MAPK14: variants seen among roughly 807,000 people sequenced by gnomAD.
MAPK14 encodes CSAID-binding protein.
MAPK14 carries 16 observed loss-of-function variants against 49.6 expected under a neutral mutation model. The ratio of observed to expected loss-of-function variants is 0.32; its 90% confidence interval spans 0.22 to 0.49. MAPK14 has a LOEUF of 0.49. MAPK14 is among the 20% of genes least tolerant of loss of function. The probability of loss-of-function intolerance (pLI) is 0.99; values close to 1 mark genes in which losing one functional copy is unlikely to be tolerated. For missense variants in MAPK14, 200 were observed against 441.2 expected (o/e 0.45, Z 4.90); for synonymous variants, 142 against 158.0 (o/e 0.90, Z 0.76).
chr6:36,115,708 A>T (rs926238233), downstream of MAPK14, among the ~76,000 whole-genome samples: 2 of 152,042 alleles, frequency 1.3e-5, no homozygotes, highest in African/African-American at 4.8e-5. Flanking sequence ...CAAGTGGATC[A>T]CTCGCCATCC....
chr6:36,080,045 G>A (rs569295460), intron 8 of MAPK14, among the ~76,000 whole-genome samples: 147 of 152,076 alleles, frequency 9.7e-4, no homozygotes, highest in African/African-American at 3.2e-3. Flanking sequence ...CCGGGCTCAA[G>A]CGATTCTCCT....
chr6:36,052,952 G>C (rs1165820246), intron 2 of MAPK14, 124 bp downstream of exon 2: 7 of 614,604 alleles, frequency 1.1e-5, no homozygotes, highest in Non-Finnish European at 7.7e-6. Flanking sequence ...CCTTGTCCTG[G>C]GGTGTTAGTG....
At chr6:36,067,936 C>T (rs1764124431) in intron 3 of MAPK14, among the ~76,000 whole-genome samples, 1 of 151,808 alleles carries the variant, frequency 6.6e-6, no homozygotes, top group Non-Finnish European at 1.5e-5. Context: ...GAACATTGTA[C>T]AAGCAGATAA....
intron 8 of MAPK14, among the ~76,000 whole-genome samples, chr6:36,080,017 C>T (rs766201082): frequency 1.3e-5 from 2 of 151,826 alleles, no homozygotes; most frequent in Non-Finnish European, 2.9e-5. Context: ...GATCTTGGCT[C>T]ACTACAACCT....
rs774369286 is a variant in MAPK14 at position 36,075,883 on chromosome 6, T to C, written c.531T>C (p.Asp177=). Residue 177 remains aspartate (D), a synonymous_variant, in exon 7 of 12, where the codon GAT becomes GAC. Transcript: ENST00000229794. ...LDFGLARHTD[D]EMTGYVATRW... ...TTGGACTGGCTCGGCACACAGATGATGAAATGACAGGCTACGTGGCCACTA... is the reference window on the plus strand; with the variant it reads ...TTGGACTGGCTCGGCACACAGATGACGAAATGACAGGCTACGTGGCCACTA... 6.2e-7 allele frequency: 1 copy of C among 1,614,100 alleles called. No homozygotes were observed. Among genetic ancestry groups the C allele is most frequent in the South Asian group, 1.1e-5 (1 of 91,080 alleles).
intron 1 of MAPK14, among the ~76,000 whole-genome samples, chr6:36,037,734 C>T (rs777615016): frequency 1.3e-5 from 2 of 152,024 alleles, no homozygotes; most frequent in Non-Finnish European, 2.9e-5. Context: ...ACCTGTAATT[C>T]CTGCACTTTG....
chr6:36,121,588 A>G, the MAPK14 span, among the ~76,000 whole-genome samples: 1,309 of 152,318 alleles, frequency 8.6e-3, 17 homozygotes, highest in African/African-American at 0.03. Context: ...TCCCCTCCAC[A>G]GCCCCTTACT....
chr6:36,063,429 A>C (rs1763908628), intron 3 of MAPK14, among the ~76,000 whole-genome samples: 1 of 152,136 alleles, frequency 6.6e-6, no homozygotes, highest in Non-Finnish European at 1.5e-5. Flanking sequence ...CTCTACAAAA[A>C]AATTTAAAAA....
At chr6:36,086,625 C>T (rs937323642) in intron 8 of MAPK14, among the ~76,000 whole-genome samples, 4 of 152,058 alleles carry the variant, frequency 2.6e-5, no homozygotes, top group Non-Finnish European at 5.9e-5. Flanking sequence ...CTACCAATAA[C>T]AAGTTCTCAA....
chr6:36,092,428 C>T (rs878955506), intron 8 of MAPK14: 53 of 666,532 alleles, frequency 8.0e-5, no homozygotes, highest in South Asian at 2.9e-4. Flanking sequence ...ACGATACACT[C>T]GTAGTGAAGC....
At chr6:36,031,160 G>T (rs1762527778) in intron 1 of MAPK14, among the ~76,000 whole-genome samples, 1 of 151,174 alleles carries the variant, frequency 6.6e-6, no homozygotes, top group Non-Finnish European at 1.5e-5. Flanking sequence ...GACTACAGGT[G>T]CCCGCCACCA....
intron 3 of MAPK14, among the ~76,000 whole-genome samples, chr6:36,061,376 C>T (rs910783707): frequency 2.6e-5 from 4 of 152,190 alleles, no homozygotes; most frequent in African/African-American, 9.7e-5. Flanking sequence ...TTAAGTGTTA[C>T]TGATAGTGGT....
rs922394339 is a variant in MAPK14 at position 36,110,983 on chromosome 6, G to A, written c.*2536G>A. 6.6e-6 allele frequency: 1 copy of A among 152,126 alleles called. No individual in the cohort carries two copies. The highest frequency in any genetic ancestry group is 1.5e-5 in the Non-Finnish European group (1 of 68,012). 9.4% of individuals were successfully genotyped at this position (152,126 alleles called of 1,614,324 possible). A position where few individuals can be genotyped will look rare whatever the true frequency, so the allele number is the denominator to read the frequency against. ...TGGGTAAAGCAAAGAGCAAATGAAC[G>A]AAGTATTAAGCATTGGGGCCTGTCT... On this transcript the variant is annotated 3_prime_UTR_variant, in exon 12 of 12. Transcript: ENST00000229794.
chr6:36,032,521 C>G (rs1762582920), intron 1 of MAPK14, among the ~76,000 whole-genome samples: 1 of 152,160 alleles, frequency 6.6e-6, no homozygotes. Context: ...TGCCTTTCCT[C>G]TGGGGTAGGG....
At position 36,107,595 on chromosome 6, in the gene MAPK14, GA is replaced by G; in HGVS notation, c.985del (p.Ser329AlafsTer6). On this transcript the variant is annotated frameshift_variant, in exon 11 of 12. Coordinates refer to ENST00000229794, the MANE Select transcript of MAPK14 (RefSeq NM_139012.3). LOFTEE classifies it high-confidence loss of function. The surrounding 1 kb of genome is among the most constrained non-coding windows in gnomAD (Gnocchi z 4.3). ...PVADPYDQSFESRDLLIDEWK... is the reference protein window; with the variant it reads ...PVADPYDQSFXSRDLLIDEWK... ...GGCCGATCCTTATGATCAGTCCTTT[GA>G]AAGCAGGGACCTCCTTATAGATGAG... 1.3e-6 allele frequency: 2 copies of G among 1,595,992 alleles called. No individual in the cohort carries two copies. The highest frequency in any genetic ancestry group is 1.7e-6 in the Non-Finnish European group (2 of 1,171,700).
intron 1 of MAPK14, among the ~76,000 whole-genome samples, chr6:36,049,072 G>A (rs183392620): frequency 1.3e-5 from 2 of 152,288 alleles, no homozygotes; most frequent in East Asian, 3.9e-4. Flanking sequence ...AGGATGGACA[G>A]TATTTAGAGA....
Position 36,108,437 on chromosome 6 carries a change from T to G in MAPK14, c.1073T>G (p.Met358Arg). Reference sequence around the variant, plus strand: ...CCACCACCCCTTGACCAAGAAGAGATGGAGTCCTGAGCACCTGGTTTCTGT... The same window carrying G: ...CCACCACCCCTTGACCAAGAAGAGAGGGAGTCCTGAGCACCTGGTTTCTGT... ...FVPPPLDQEE[M>R]ES Residue 358 changes from methionine (M) to arginine (R), a missense_variant, in exon 12 of 12, where the codon ATG (methionine) becomes AGG (arginine). Transcript: ENST00000229794. The G allele has an allele frequency of 6.2e-7, 1 of 1,613,820 alleles. No individual in the cohort carries two copies. The highest frequency in any genetic ancestry group is 8.5e-7 in the Non-Finnish European group (1 of 1,179,696).
rs1764851720 is a variant in MAPK14 at position 36,083,566 on chromosome 6, C to T, written c.682+6958C>T. 2.0e-5 allele frequency among the ~76,000 whole-genome samples: 3 copies of T among 152,182 alleles called. No individual in the cohort carries two copies. The South Asian group carries it at 6.2e-4, about 31-fold the overall frequency. On this transcript the variant is annotated intron_variant, in intron 8 of 11. Coordinates refer to ENST00000229794, the MANE Select transcript of MAPK14 (RefSeq NM_139012.3). ...CAGAAGGAATTCCCTACAGTGCAGA[C>T]CCTACAGTGGTGGTGGCACATCATG...
chr6:36,096,260 T>C (rs1189481614), intron 9 of MAPK14, 194 bp downstream of exon 9: 1 of 520,970 alleles, frequency 1.9e-6, no homozygotes, highest in Non-Finnish European at 3.4e-6. Context: ...CATGCACAAG[T>C]GTGTTTTATT....
Sources: allele counts gnomAD v4.1 joint callset (sites outside exome capture counted in the v4.1 genomes callset), GRCh38; gene constraint gnomAD v4.1.1; non-coding constraint Gnocchi (gnomAD v3.1); transcripts MANE v1.5; gene names NCBI Gene and HGNC (gene_info 2026-07-23, HGNC 2026-07-21).